SEPTIN10: variants seen among roughly 807,000 people sequenced by gnomAD.
The protein encoded by SEPTIN10 is septin-10.
A neutral mutation model predicts 54.8 loss-of-function variants in SEPTIN10; 66 were observed. The ratio of observed to expected loss-of-function variants is 1.21; its 90% CI spans 0.99 to 1.48. The LOEUF is 1.48. Among genes scored for constraint, SEPTIN10 ranks in the 40% most tolerant of loss-of-function variants. The pLI is 0.00. For synonymous variants in SEPTIN10, 161 were observed against 181.0 expected (o/e 0.89, Z 0.89); for missense variants, 620 against 545.6 (o/e 1.14, Z -1.36).
intron 1 of SEPTIN10, chr2:109,605,583 A>AAAAGCT (rs1329593119): frequency 6.6e-6 from 1 of 152,236 alleles, no homozygotes; most frequent in Admixed American, 6.5e-5. Context: ...GTGTAGCTAA[A>AAAAGCT]AAAGCTAATC....
intron 1 of SEPTIN10, among the ~76,000 whole-genome samples, chr2:109,600,632 C>T (rs1355201399): frequency 6.6e-6 from 1 of 151,676 alleles, no homozygotes; most frequent in Non-Finnish European, 1.5e-5. Flanking sequence ...TCCCACCCAC[C>T]CACCAAGCAA....
intron 1 of SEPTIN10, among the ~76,000 whole-genome samples, chr2:109,596,206 A>T (rs1695266383): frequency 1.3e-5 from 2 of 152,192 alleles, no homozygotes; most frequent in Admixed American, 1.3e-4. Flanking sequence ...TGAAAATCAA[A>T]CTTTAAAAAT....
At chr2:109,602,418 G>C (rs1486207699) in intron 1 of SEPTIN10, among the ~76,000 whole-genome samples, 1 of 152,194 alleles carries the variant, frequency 6.6e-6, no homozygotes, top group Admixed American at 6.5e-5. Flanking sequence ...GCTCACGCCT[G>C]TAATGCCAGC....
chr2:109,564,867 A>G (rs1250765423), intron 7 of SEPTIN10, among the ~76,000 whole-genome samples: 4 of 152,226 alleles, frequency 2.6e-5, no homozygotes, highest in Non-Finnish European at 5.9e-5. Context: ...CAGTTTACAA[A>G]CTATCCTGAA....
intron 1 of SEPTIN10, among the ~76,000 whole-genome samples, chr2:109,608,031 A>T (rs547973837): frequency 6.6e-6 from 1 of 152,366 alleles, no homozygotes; most frequent in East Asian, 1.9e-4. Flanking sequence ...AGAACTAGCT[A>T]CTAATTTGTC....
At chr2:109,586,069 T>C (rs1043725007) in intron 2 of SEPTIN10, among the ~76,000 whole-genome samples, 2 of 152,198 alleles carry the variant, frequency 1.3e-5, no homozygotes, top group African/African-American at 4.8e-5. Context: ...TCTAGCACTA[T>C]GTATAACATT....
chr2:109,604,090 A>G (rs548506536), intron 1 of SEPTIN10, among the ~76,000 whole-genome samples: 1 of 144,072 alleles, frequency 6.9e-6, no homozygotes, highest in African/African-American at 2.6e-5. Flanking sequence ...TGAACCTGGG[A>G]GGTGGAGATT....
At chr2:109,554,425 G>C (rs1484457437) in intron 8 of SEPTIN10, among the ~76,000 whole-genome samples, 2 of 152,156 alleles carry the variant, frequency 1.3e-5, no homozygotes, top group African/African-American at 4.8e-5. Flanking sequence ...GCTTACTCCA[G>C]TTCAGGGTCA....
chr2:109,609,110 G>C (rs1698664560), intron 1 of SEPTIN10, among the ~76,000 whole-genome samples: 1 of 152,190 alleles, frequency 6.6e-6, no homozygotes, highest in South Asian at 2.1e-4. Flanking sequence ...AAATCGGTCT[G>C]GGACTATCTG....
At chr2:109,550,336 G>A (rs1314770245) in intron 9 of SEPTIN10, among the ~76,000 whole-genome samples, 1 of 150,232 alleles carries the variant, frequency 6.7e-6, no homozygotes, top group South Asian at 2.1e-4. Context: ...TTTTTGAGAC[G>A]GATTCTCGCT....
At chr2:109,603,210 CATA>C (rs756141479) in intron 1 of SEPTIN10, among the ~76,000 whole-genome samples, 26 of 152,012 alleles carry the variant, frequency 1.7e-4, no homozygotes, top group Non-Finnish European at 3.1e-4. Flanking sequence ...CACAAATGTA[CATA>C]ATGTTATTAT....
At chr2:109,588,799 A>G (rs1191544126) in intron 2 of SEPTIN10, among the ~76,000 whole-genome samples, 3 of 147,968 alleles carry the variant, frequency 2.0e-5, no homozygotes, top group African/African-American at 7.4e-5. Context: ...CTAAAATATT[A>G]TATTATTTGA....
intron 8 of SEPTIN10, among the ~76,000 whole-genome samples, chr2:109,559,497 T>C (rs982223002): frequency 7.2e-5 from 11 of 152,180 alleles, no homozygotes; most frequent in African/African-American, 2.7e-4. Context: ...TTTCCCCTTC[T>C]TTGTGTGATC....
chr2:109,544,392 G>A lies in SEPTIN10; in HGVS notation c.1350-68C>T, dbSNP rs190925047. The A allele has an allele frequency of 4.3e-3, 6,615 of 1,536,696 alleles. 18 individuals are homozygous for A. The highest frequency in any genetic ancestry group is 5.2e-3 in the Non-Finnish European group (5,959 of 1,153,982). ...AATTCAAGTAAAAATTAGCAAACAT[G>A]CATCTAGTATATTATAGGATATCTG... On this transcript the variant is annotated intron_variant, in intron 10 of 10. Transcript: ENST00000397712.
At chr2:109,591,183 C>G (rs1459504614) in intron 2 of SEPTIN10, among the ~76,000 whole-genome samples, 1 of 152,102 alleles carries the variant, frequency 6.6e-6, no homozygotes, top group African/African-American at 2.4e-5. Context: ...AGGCTTCTTC[C>G]TCGTGAAAGT....
chr2:109,612,252 G>A (rs1699411732), intron 1 of SEPTIN10, among the ~76,000 whole-genome samples: 1 of 152,130 alleles, frequency 6.6e-6, no homozygotes, highest in Non-Finnish European at 1.5e-5. Context: ...GTCTTGGAAT[G>A]ACAAAATTAT....
intron 4 of SEPTIN10, among the ~76,000 whole-genome samples, chr2:109,580,538 GGAT>G (rs1441048489): frequency 5.9e-5 from 9 of 152,190 alleles, no homozygotes; most frequent in Admixed American, 5.2e-4. Context: ...TTTGGGATTA[GGAT>G]GATGAGGGGA....
intron 10 of SEPTIN10, 138 bp downstream of exon 10, chr2:109,545,912 C>T (rs1681091124): frequency 6.9e-7 from 1 of 1,449,210 alleles, no homozygotes; most frequent in South Asian, 1.5e-5. Context: ...CAAGGTCTCT[C>T]CTCTCCAGGA....
intron 1 of SEPTIN10, chr2:109,613,178 A>T (rs1027389007): frequency 7.8e-7 from 1 of 1,288,684 alleles, no homozygotes; most frequent in African/African-American, 1.5e-5. Context: ...TTGTAACCAC[A>T]CTTGGAAAAC....
Sources: allele counts gnomAD v4.1 joint callset (sites outside exome capture counted in the v4.1 genomes callset), GRCh38; gene constraint gnomAD v4.1.1; transcripts MANE v1.5; gene names NCBI Gene and HGNC (gene_info 2026-07-23, HGNC 2026-07-21).